PTBP3: variants seen among roughly 807,000 people sequenced by gnomAD.
PTBP3 encodes polypyrimidine tract binding protein 3.
In PTBP3, 20 loss-of-function variants were observed where a neutral mutation model predicts 58.7. The ratio of observed to expected loss-of-function variants is 0.34; its 90% CI spans 0.24 to 0.50. The LOEUF (loss-of-function observed/expected upper bound fraction) is 0.50. PTBP3 is among the 20% of genes least tolerant of loss of function. PTBP3 has a pLI of 0.98. For synonymous variants in PTBP3, 185 were observed against 219.8 expected, an observed-to-expected ratio of 0.84 and a Z score of 1.40; for missense variants, 509 against 637.2, an observed-to-expected ratio of 0.80 and a Z score of 2.17.
intron 1 of PTBP3, among the ~76,000 whole-genome samples, chr9:112,328,212 C>T (rs1185206408): frequency 6.6e-6 from 1 of 152,190 alleles, no homozygotes; most frequent in Non-Finnish European, 1.5e-5. Flanking sequence ...AATTAAGTAA[C>T]TGCTAGATTA....
intron 4 of PTBP3, among the ~76,000 whole-genome samples, chr9:112,266,057 T>TTA (rs368132438): frequency 2.6e-5 from 4 of 152,204 alleles, no homozygotes; most frequent in African/African-American, 9.6e-5. Flanking sequence ...TATTTAAAAA[T>TTA]TCATAGAGAC....
chr9:112,296,411 ATGAGCTTGG>A, intron 2 of PTBP3, among the ~76,000 whole-genome samples: 1 of 152,256 alleles, frequency 6.6e-6, no homozygotes, highest in Admixed American at 6.5e-5. Flanking sequence ...ATAAGCTAGA[ATGAGCTTGG>A]TAGATCCAGT....
intron 2 of PTBP3, among the ~76,000 whole-genome samples, chr9:112,281,741 T>C (rs1009593125): frequency 6.6e-5 from 10 of 152,250 alleles, no homozygotes; most frequent in African/African-American, 2.2e-4. Context: ...CTGAGTTTTC[T>C]ATTGCTTTTG....
intron 1 of PTBP3, among the ~76,000 whole-genome samples, chr9:112,329,326 T>A (rs888906530): frequency 2.0e-5 from 3 of 151,838 alleles, no homozygotes; most frequent in African/African-American, 7.3e-5. Context: ...GGCAGAAGAA[T>A]CACTTGAACC....
intron 1 of PTBP3, chr9:112,332,837 C>T (rs1290492571): frequency 8.1e-6 from 13 of 1,612,002 alleles, no homozygotes; most frequent in Non-Finnish European, 1.0e-5. Flanking sequence ...GAGGGGGAAG[C>T]GTCCATGGTC....
intron 3 of PTBP3, among the ~76,000 whole-genome samples, chr9:112,268,888 T>C (rs1425606841): frequency 1.3e-5 from 2 of 151,978 alleles, no homozygotes; most frequent in African/African-American, 2.4e-5. Flanking sequence ...GTGATTTAAG[T>C]TTATCATTAA....
the PTBP3 span, among the ~76,000 whole-genome samples, chr9:112,352,807 T>C: frequency 6.6e-6 from 1 of 152,232 alleles, no homozygotes; most frequent in Non-Finnish European, 1.5e-5. Context: ...TTGACTATAG[T>C]TGAAATTTCT....
chr9:112,245,817 T>C (rs1430219767), intron 7 of PTBP3, among the ~76,000 whole-genome samples: 1 of 151,972 alleles, frequency 6.6e-6, no homozygotes, highest in African/African-American at 2.4e-5. Context: ...CAGGGGTAAT[T>C]TGAACATAAA....
At chr9:112,296,723 A>C (rs571354590) in intron 2 of PTBP3, among the ~76,000 whole-genome samples, 43 of 152,242 alleles carry the variant, frequency 2.8e-4, no homozygotes, top group African/African-American at 9.6e-4. Flanking sequence ...CTCAAACTCA[A>C]TATATACAAA....
At chr9:112,267,932 A>G in intron 4 of PTBP3, 117 bp downstream of exon 4, 1 of 902,948 alleles carries the variant, frequency 1.1e-6, no homozygotes, top group South Asian at 2.9e-5. Context: ...TACAATTATG[A>G]CTAGTAAAGT....
At chr9:112,298,145 T>C (rs1828772819) in intron 1 of PTBP3, among the ~76,000 whole-genome samples, 1 of 152,198 alleles carries the variant, frequency 6.6e-6, no homozygotes, top group Non-Finnish European at 1.5e-5. Context: ...ACATAATCTT[T>C]AAATTCTTTC....
chr9:112,298,568 G>A (rs777261569), intron 1 of PTBP3: 4 of 507,172 alleles, frequency 7.9e-6, no homozygotes, highest in Non-Finnish European at 1.6e-5. Context: ...CTTTCAGGAA[G>A]GACAATAAAT....
intron 2 of PTBP3, among the ~76,000 whole-genome samples, chr9:112,288,012 TTGTTA>T (rs1471680700): frequency 2.0e-5 from 3 of 152,216 alleles, no homozygotes; most frequent in Non-Finnish European, 4.4e-5. Flanking sequence ...TTCTGTTGTT[TTGTTA>T]TATTTGTTAT....
In PTBP3 at chr9:112,255,394, G is replaced by C. The variant is rs752180390; in HGVS notation, c.517-2606C>G. ...TCATGTTATATATATTTTGCCACTT[G>C]AATCACTTATGGCAAGACATGAATC... On this transcript the variant is annotated intron_variant, in intron 5 of 13. Transcript: ENST00000374257. Among the ~76,000 whole-genome samples the C allele has an allele frequency of 3.9e-5, 6 of 152,212 alleles. No homozygotes were observed. The South Asian group carries it at 1.2e-3, about 32-fold the overall frequency.
At chr9:112,324,689 C>T (rs1026470951) in intron 1 of PTBP3, among the ~76,000 whole-genome samples, 2 of 147,576 alleles carry the variant, frequency 1.4e-5, no homozygotes, top group Admixed American at 1.4e-4. Flanking sequence ...AAAGAATAGA[C>T]AAAAGACTTA....
At chr9:112,284,099 G>T (rs944805206) in intron 2 of PTBP3, among the ~76,000 whole-genome samples, 5 of 142,770 alleles carry the variant, frequency 3.5e-5, no homozygotes, top group Non-Finnish European at 6.1e-5. Flanking sequence ...AGTGCAGAAG[G>T]GAAATGTGGG....
At chr9:112,309,021 T>A (rs1244930149) in intron 1 of PTBP3, among the ~76,000 whole-genome samples, 1 of 152,208 alleles carries the variant, frequency 6.6e-6, no homozygotes, top group South Asian at 2.1e-4. Flanking sequence ...ATTAAAGACG[T>A]TGAAGTAACA....
At chr9:112,293,812 A>G (rs1024865347) in intron 2 of PTBP3, among the ~76,000 whole-genome samples, 1 of 152,174 alleles carries the variant, frequency 6.6e-6, no homozygotes, top group Non-Finnish European at 1.5e-5. Context: ...TTCTATCTTG[A>G]GAAGGTAGTC....
chr9:112,313,209 C>CT (rs11425168), intron 1 of PTBP3, among the ~76,000 whole-genome samples: 127,673 of 151,932 alleles, frequency 0.84, 53,941 homozygotes, highest in African/African-American at 0.92. Flanking sequence ...ATTAATAAGA[C>CT]TTTTTTCTTT....
Sources: gnomAD v4.1 joint callset for allele counts (sites outside exome capture counted in the v4.1 genomes callset) on GRCh38, gnomAD v4.1.1 for gene constraint, MANE v1.5 for transcripts, NCBI Gene and HGNC (gene_info 2026-07-23, HGNC 2026-07-21) for gene names.